Variants in FAM135A observed in about 807,000 individuals in gnomAD.
The protein encoded by FAM135A is protein FAM135A.
A neutral mutation model predicts 146.8 loss-of-function variants in FAM135A; 79 were observed. That is an observed-to-expected ratio of 0.54 (90% CI 0.45 to 0.65). The LOEUF (loss-of-function observed/expected upper bound fraction) is 0.65, where lower values mean the gene tolerates loss of function less well. FAM135A is among the 30% of genes least tolerant of loss of function. The pLI, the probability that FAM135A is intolerant of heterozygous loss-of-function variation, is 0.00. For synonymous variants in FAM135A, 562 were observed against 603.6 expected (o/e 0.93, Z 1.01); for missense variants, 1,623 against 1,758.2 (o/e 0.92, Z 1.38).
At chr6:70,477,619 A>G (rs1207493437) in intron 8 of FAM135A, among the ~76,000 whole-genome samples, 1 of 152,054 alleles carries the variant, frequency 6.6e-6, no homozygotes, top group Non-Finnish European at 1.5e-5. Flanking sequence ...ATGAGAACTC[A>G]CTCACTATCA....
intron 5 of FAM135A, among the ~76,000 whole-genome samples, chr6:70,456,441 G>A (rs548210308): frequency 7.9e-5 from 12 of 151,930 alleles, no homozygotes; most frequent in Admixed American, 2.6e-4. Flanking sequence ...TTTGTTTTTC[G>A]CAGATTCCAA....
At chr6:70,514,387 C>T (rs74586626) in intron 12 of FAM135A, among the ~76,000 whole-genome samples, 19,817 of 152,040 alleles carry the variant, frequency 0.13, 1,535 homozygotes, top group Middle Eastern at 0.19. Flanking sequence ...TGTCTGTTTA[C>T]TGTTTATGAC....
chr6:70,512,475 A>G (rs1791227284), intron 12 of FAM135A, among the ~76,000 whole-genome samples: 1 of 151,876 alleles, frequency 6.6e-6, no homozygotes, highest in Non-Finnish European at 1.5e-5. Flanking sequence ...TTAAACTCCT[A>G]ACATTAACGT....
chr6:70,478,886 T>A (rs1783148911), intron 8 of FAM135A, among the ~76,000 whole-genome samples: 1 of 151,728 alleles, frequency 6.6e-6, no homozygotes, highest in African/African-American at 2.4e-5. Context: ...GAAGATTTTC[T>A]GAAATAGAAT....
intron 20 of FAM135A, among the ~76,000 whole-genome samples, chr6:70,547,076 C>T (rs1322266729): frequency 1.3e-5 from 2 of 152,052 alleles, no homozygotes; most frequent in East Asian, 3.9e-4. Flanking sequence ...ACAATATATC[C>T]TTATTTTAAG....
intron 12 of FAM135A, among the ~76,000 whole-genome samples, chr6:70,517,356 C>A (rs929822100): frequency 3.3e-5 from 5 of 151,510 alleles, no homozygotes; most frequent in Admixed American, 2.0e-4. Flanking sequence ...GATGGGGAAA[C>A]CTCATCTCTA....
Position 70,524,480 on chromosome 6 carries a change from A to G in FAM135A, c.1396A>G (p.Ser466Gly). ...ELKVRPAGASSIWYTEGEKQL... is the reference protein window; with the variant it reads ...ELKVRPAGASGIWYTEGEKQL... Reference sequence around the variant, plus strand: ...GAAAGTCAGACCTGCTGGTGCCTCCAGTATTTGGTATACAGAAGGTGAAAA... The same window carrying G: ...GAAAGTCAGACCTGCTGGTGCCTCCGGTATTTGGTATACAGAAGGTGAAAA... The change falls in exon 15 of 22, where the codon AGT becomes GGT. Residue 466 changes from serine (S) to glycine (G), a missense_variant. Transcript: ENST00000418814. 1.3e-6 allele frequency: 2 copies of G among 1,551,286 alleles called. No individual in the cohort carries two copies. The highest frequency in any genetic ancestry group is 1.7e-6 in the Non-Finnish European group (2 of 1,146,788).
chr6:70,512,840 T>C (rs1264793438), intron 12 of FAM135A, among the ~76,000 whole-genome samples: 1 of 151,870 alleles, frequency 6.6e-6, no homozygotes, highest in East Asian at 1.9e-4. Flanking sequence ...TTTTGTGTCC[T>C]AAGAAATCTT....
At chr6:70,436,382 C>T (rs772704886) in intron 4 of FAM135A, among the ~76,000 whole-genome samples, 6 of 152,146 alleles carry the variant, frequency 3.9e-5, no homozygotes, top group African/African-American at 7.2e-5. Flanking sequence ...CAGCCCTTCT[C>T]TGTACTCCGC....
intron 12 of FAM135A, among the ~76,000 whole-genome samples, chr6:70,513,903 C>A (rs905799702): frequency 6.6e-6 from 1 of 151,856 alleles, no homozygotes; most frequent in Admixed American, 6.6e-5. Flanking sequence ...CCTCTGGCTG[C>A]CTTTAGGATT....
At chr6:70,518,523 A>C (rs1028564846) in intron 12 of FAM135A, among the ~76,000 whole-genome samples, 7 of 152,232 alleles carry the variant, frequency 4.6e-5, no homozygotes, top group Admixed American at 3.3e-4. Flanking sequence ...TTCTAGTAGA[A>C]GAAAATGCCA....
chr6:70,504,718 G>C (rs181820092), intron 12 of FAM135A: 1 of 152,136 alleles, frequency 6.6e-6, no homozygotes, highest in Non-Finnish European at 1.5e-5. Flanking sequence ...GGCTCACACT[G>C]TCCCAGCACT....
chr6:70,496,461 C>A (rs141048436), intron 11 of FAM135A, among the ~76,000 whole-genome samples: 3,085 of 137,768 alleles, frequency 0.022, 106 homozygotes, highest in African/African-American at 0.092. Flanking sequence ...GTTGCCTGTT[C>A]ACTCTGATGA....
intron 5 of FAM135A, among the ~76,000 whole-genome samples, chr6:70,454,812 A>G (rs538589933): frequency 1.8e-4 from 28 of 152,228 alleles, no homozygotes; most frequent in Non-Finnish European, 3.4e-4. Flanking sequence ...TACCAGTACC[A>G]TGCTGTGTTG....
chr6:70,447,827 T>C (rs1356131704), intron 4 of FAM135A, among the ~76,000 whole-genome samples: 1 of 152,222 alleles, frequency 6.6e-6, no homozygotes, highest in African/African-American at 2.4e-5. Flanking sequence ...AGTATGCCCA[T>C]GCTTCTCACA....
At chr6:70,480,574 A>T (rs1783501206) in intron 8 of FAM135A, among the ~76,000 whole-genome samples, 1 of 152,160 alleles carries the variant, frequency 6.6e-6, no homozygotes, top group Non-Finnish European at 1.5e-5. Context: ...CAGTTCTGAC[A>T]TCAGGATTTC....
chr6:70,523,099 A>G (rs1386886882), intron 13 of FAM135A, among the ~76,000 whole-genome samples: 2 of 152,112 alleles, frequency 1.3e-5, no homozygotes, highest in African/African-American at 2.4e-5. Flanking sequence ...AAAGCTAGAC[A>G]TTAAAAATTG....
intron 4 of FAM135A, among the ~76,000 whole-genome samples, chr6:70,447,468 G>T (rs920221123): frequency 6.6e-6 from 1 of 152,146 alleles, no homozygotes; most frequent in Admixed American, 6.5e-5. Context: ...TAATCCTGTC[G>T]TCCCCGCTGG....
At chr6:70,519,274 T>G (rs187208692) in intron 12 of FAM135A, among the ~76,000 whole-genome samples, 2 of 151,620 alleles carry the variant, frequency 1.3e-5, no homozygotes, top group Admixed American at 6.5e-5. Flanking sequence ...GCAATCTCAT[T>G]ATCAAACTTG....
Sources: gnomAD v4.1 joint callset for allele counts (sites outside exome capture counted in the v4.1 genomes callset) on GRCh38, gnomAD v4.1.1 for gene constraint, MANE v1.5 for transcripts, NCBI Gene and HGNC (gene_info 2026-07-23, HGNC 2026-07-21) for gene names.